Variants in BSN observed in about 807,000 individuals in gnomAD.
The protein encoded by BSN is protein bassoon.
Under a neutral mutation model 264.8 loss-of-function variants are expected in BSN, and 57 were observed. That is an observed-to-expected ratio of 0.22 (90% CI 0.17 to 0.27). BSN has a LOEUF of 0.27. BSN is among the 10% of genes least tolerant of loss of function. The pLI is 1.00. For missense variants in BSN, 4,615 were observed against 5,232.5 expected, an observed-to-expected ratio of 0.88 and a Z score of 3.64; for synonymous variants, 2,059 against 2,137.3, an observed-to-expected ratio of 0.96 and a Z score of 1.01.
At chr3:49,604,988 G>A (rs1458563601) in intron 1 of BSN, among the ~76,000 whole-genome samples, 2 of 151,658 alleles carry the variant, frequency 1.3e-5, no homozygotes, top group South Asian at 2.1e-4. Flanking sequence ...GGCTGGGCGC[G>A]GTAGCTCACG....
chr3:49,607,859 G>A (rs1428519550), intron 1 of BSN, among the ~76,000 whole-genome samples: 1 of 152,224 alleles, frequency 6.6e-6, no homozygotes, highest in Non-Finnish European at 1.5e-5. Flanking sequence ...TTCTCGTCAA[G>A]GGTGGGTCCA....
chr3:49,666,616 T>C (rs1042073616), intron 11 of BSN, among the ~76,000 whole-genome samples: 1 of 152,070 alleles, frequency 6.6e-6, no homozygotes, highest in Non-Finnish European at 1.5e-5. Flanking sequence ...GCAGAAGATA[T>C]GTGAGGGAAG....
At chr3:49,622,748 T>G (rs1488516597) in intron 1 of BSN, among the ~76,000 whole-genome samples, 2 of 152,212 alleles carry the variant, frequency 1.3e-5, no homozygotes, top group Non-Finnish European at 2.9e-5. Flanking sequence ...AAATATTTCT[T>G]TAGGATACCT....
chr3:49,639,355 C>T (rs1242144718), intron 2 of BSN, among the ~76,000 whole-genome samples: 1 of 152,022 alleles, frequency 6.6e-6, no homozygotes, highest in African/African-American at 2.4e-5. Flanking sequence ...TGTGCCACCA[C>T]ACCCGGCTAA....
intron 1 of BSN, among the ~76,000 whole-genome samples, chr3:49,596,644 C>A (rs535028168): frequency 6.6e-6 from 1 of 152,214 alleles, no homozygotes; most frequent in Non-Finnish European, 1.5e-5. Context: ...GCATGAGGCA[C>A]CATGCCTGGC....
At chr3:49,560,403 G>C (rs897578434) in intron 1 of BSN, among the ~76,000 whole-genome samples, 3 of 152,228 alleles carry the variant, frequency 2.0e-5, no homozygotes, top group Admixed American at 2.0e-4. Flanking sequence ...CAGACATTCT[G>C]CTAGGTGTTT....
chr3:49,644,236 T>C (rs1400103840), intron 3 of BSN, among the ~76,000 whole-genome samples: 1 of 152,134 alleles, frequency 6.6e-6, no homozygotes, highest in Non-Finnish European at 1.5e-5. Flanking sequence ...AGCCCTCTGG[T>C]CTCTTGGGCT....
chr3:49,662,069 C>T lies in BSN; in HGVS notation c.10224C>T (p.Ile3408=). The T allele has an allele frequency of 6.2e-7, 1 of 1,613,676 alleles. No individual in the cohort carries two copies. The highest frequency in any genetic ancestry group is 1.3e-5 in the African/African-American group (1 of 75,070). ...GGGGCAGGAAGTTCCAGGATGAAAT[C>T]ACCTATGGGCTCAAGAAGAACGTGT... is the stretch of plus-strand genomic sequence containing the variant. ...VSRGRKFQDE[I]TYGLKKNVYE... The change falls in exon 6 of 12, where the codon ATC becomes ATT. Residue 3408 remains isoleucine (I), a synonymous_variant. Coordinates refer to ENST00000296452, the MANE Select transcript of BSN (RefSeq NM_003458.4).
In BSN at chr3:49,656,682, G is replaced by A. The variant is rs373284923; in HGVS notation, c.7126G>A (p.Glu2376Lys). The part of the protein sequence containing the change: ...RKQQEQLLQL[E>K]RERVELEKLR... ...GCAACAGGAGCAGCTGCTCCAGCTA[G>A]AGCGGGAGCGGGTGGAGTTGGAGAA... is the stretch of plus-strand genomic sequence containing the variant. The change falls in exon 5 of 12, where the codon GAG (glutamate) becomes AAG (lysine). Residue 2376 changes from glutamate to lysine, a missense_variant. By Grantham distance (56) the Glu-to-Lys change is moderately conservative (BLOSUM62 1). Coordinates refer to ENST00000296452, the MANE Select transcript of BSN (RefSeq NM_003458.4). 1.3e-5 allele frequency: 21 copies of A among 1,594,992 alleles called. No homozygotes were observed. In the African/African-American group the frequency reaches 2.8e-4, roughly 21 times the overall value.
chr3:49,660,870 C>T lies in BSN; in HGVS notation c.9025C>T (p.Arg3009Cys), dbSNP rs770683309. Reference protein sequence around the residue: ...YPPLRGLGEHRDYLSDSELNQ... With the variant: ...YPPLRGLGEHCDYLSDSELNQ... ...ACCCTTGCGTGGTCTTGGCGAGCAT[C>T]GTGACTACCTATCGGACAGTGAGCT... Residue 3009 changes from arginine to cysteine, a missense_variant, in exon 6 of 12, where the codon CGT becomes TGT. Arg to Cys is a radical substitution (Grantham distance 180). Transcript: ENST00000296452. This position sits in a 1 kb window ranked among gnomAD's most constrained non-coding sequence, Gnocchi z 7.1. 1.2e-5 allele frequency: 19 copies of T among 1,613,192 alleles called. No homozygotes were observed. The highest frequency in any genetic ancestry group is 6.7e-5 in the Admixed American group (4 of 60,012).
intron 3 of BSN, among the ~76,000 whole-genome samples, chr3:49,648,223 G>A (rs1445500920): frequency 6.6e-6 from 1 of 152,232 alleles, no homozygotes. Context: ...TTAGACTGTT[G>A]CTTCTGTGTG....
chr3:49,577,925 G>A, intron 1 of BSN, among the ~76,000 whole-genome samples: 1 of 152,212 alleles, frequency 6.6e-6, no homozygotes, highest in Non-Finnish European at 1.5e-5. Context: ...CAGGTATTAT[G>A]TAAAGGAAGA....
rs1227734194 is a variant in BSN, at chr3:49,655,914, G to A, written c.6358G>A (p.Gly2120Ser). 4.3e-6 allele frequency: 7 copies of A among 1,611,870 alleles called. No homozygotes were observed. The highest frequency in any genetic ancestry group is 5.9e-6 in the Non-Finnish European group (7 of 1,179,998). The part of the protein sequence containing the change: ...QYGGRHGSGG[G>S]GPDLVQYQPQ... ...TGGTGGGCGGCATGGCAGTGGTGGT[G>A]GTGGCCCTGACCTTGTGCAGTACCA... Residue 2120 changes from glycine to serine, a missense_variant, in exon 5 of 12, where the codon GGT becomes AGT. By Grantham distance (56) the Gly-to-Ser change is moderately conservative. Around this residue, in one of 3 missense-constraint regions of BSN, gnomAD observed 3,415 missense variants for 3,866.4 expected, o/e 0.88. Coordinates refer to ENST00000296452, the MANE Select transcript of BSN (RefSeq NM_003458.4).
intron 1 of BSN, among the ~76,000 whole-genome samples, chr3:49,620,288 G>A (rs565379250): frequency 1.3e-5 from 2 of 152,228 alleles, no homozygotes; most frequent in South Asian, 4.2e-4. Flanking sequence ...AGCTGGGCAT[G>A]GTGGCACATG....
chr3:49,616,410 CCATT>C (rs1274693292), intron 1 of BSN, among the ~76,000 whole-genome samples: 1 of 152,170 alleles, frequency 6.6e-6, no homozygotes, highest in African/African-American at 2.4e-5. Context: ...CCCTAATTGC[CCATT>C]ACAGAAAGGT....
chr3:49,562,469 T>C (rs80031977), intron 1 of BSN, among the ~76,000 whole-genome samples: 3,155 of 152,344 alleles, frequency 0.021, 59 homozygotes, highest in Middle Eastern at 0.054. Context: ...GCCTTCTCTT[T>C]GTCTCACAGA....
At position 49,585,386 on chromosome 3, in the gene BSN, C is replaced by T. The variant is rs187896193; in HGVS notation, c.224+30560C>T. On this transcript the variant is annotated intron_variant, in intron 1 of 11. Coordinates refer to ENST00000296452, the MANE Select transcript of BSN (RefSeq NM_003458.4). This position sits in a 1 kb window ranked among gnomAD's most constrained non-coding sequence, Gnocchi z 4.7. ...CTAATTATTTCCTCTCGGAACTCCTCCCCTCGTGCTTCTTCCTCTGGTGAG... is the reference window on the plus strand; with the variant it reads ...CTAATTATTTCCTCTCGGAACTCCTTCCCTCGTGCTTCTTCCTCTGGTGAG... Among the ~76,000 whole-genome samples the T allele has an allele frequency of 6.6e-6, 1 of 152,288 alleles. No individual in the cohort carries two copies.
In BSN at chr3:49,652,110, G is replaced by A. The variant is rs750612768; in HGVS notation, c.2554G>A (p.Ala852Thr). 6 of 1,612,978 alleles carry A rather than the reference G, an allele frequency of 3.7e-6. No homozygotes were observed. The highest frequency in any genetic ancestry group is 3.3e-5 in the South Asian group (3 of 90,940). Reference sequence around the variant, plus strand: ...GCGACGGCAGATTCTCGAGATGAGCGCCGAGGAAGACAACCTGGAGGAGGA... The same window carrying A: ...GCGACGGCAGATTCTCGAGATGAGCACCGAGGAAGACAACCTGGAGGAGGA... The part of the protein sequence containing the change: ...FMRRQILEMS[A>T]EEDNLEEDDT... Residue 852 changes from alanine (A) to threonine (T), a missense_variant, in exon 5 of 12, where the codon GCC becomes ACC. Ala to Thr is a moderately conservative substitution (Grantham distance 58, BLOSUM62 0). This residue lies in a region of BSN where 1,197 missense variants were observed against 1,348.0 expected (regional missense o/e 0.89). Coordinates refer to ENST00000296452, the MANE Select transcript of BSN (RefSeq NM_003458.4).
chr3:49,561,112 C>T (rs1413029598), intron 1 of BSN, among the ~76,000 whole-genome samples: 1 of 152,214 alleles, frequency 6.6e-6, no homozygotes, highest in Admixed American at 6.5e-5. Context: ...CATGGAGGCA[C>T]ATGGGAAGCC....
Sources: gnomAD v4.1 joint callset for allele counts (sites outside exome capture counted in the v4.1 genomes callset) on GRCh38, gnomAD v4.1.1 for gene constraint, gnomAD v4.1.1 regional missense constraint, Gnocchi (gnomAD v3.1) non-coding constraint, MANE v1.5 for transcripts, NCBI Gene and HGNC (gene_info 2026-07-23, HGNC 2026-07-21) for gene names.